TRAF5: variants seen among roughly 807,000 people sequenced by gnomAD.
TRAF5 encodes the protein TNF receptor associated factor 5.
Under a neutral mutation model 64.5 loss-of-function variants are expected in TRAF5, and 48 were observed. That is an observed-to-expected ratio of 0.74 (90% CI 0.59 to 0.95). The LOEUF is 0.95. TRAF5 is among the 40% of genes least tolerant of loss of function. The pLI, the probability that TRAF5 is intolerant of heterozygous loss-of-function variation, is 0.00. For synonymous variants in TRAF5, 206 were observed against 240.5 expected (o/e 0.86, Z 1.33); for missense variants, 545 against 662.8 (o/e 0.82, Z 1.95).
At chr1:211,364,412 C>T (rs1290267396) in intron 7 of TRAF5, among the ~76,000 whole-genome samples, 4 of 152,160 alleles carry the variant, frequency 2.6e-5, no homozygotes, top group Admixed American at 6.5e-5. Context: ...AGAGGCCAGG[C>T]GCTGTGGCTC....
In TRAF5 at chr1:211,360,010, A is replaced by G. The variant is rs2230779; in HGVS notation, c.477A>G (p.Ala159=). Residue 159 remains alanine, a synonymous_variant, in exon 5 of 11, where the codon GCA becomes GCG. Transcript: ENST00000261464. ...AAGACCTGAAAGAGCATTTGAGTGC[A>G]TCCTGTCAGTTTCGAAAGGAAAAAT... ...LRKDLKEHLS[A]SCQFRKEKCL... is the part of the protein sequence containing the mutation. 84,835 of 1,614,100 alleles carry G rather than the reference A, an allele frequency of 0.053. 2,423 individuals carry two copies. The highest frequency in any genetic ancestry group is 0.082 in the Middle Eastern group (500 of 6,062).
chr1:211,353,598 ATCCCC>A, intron 2 of TRAF5, 141 bp downstream of exon 2: 2 of 787,910 alleles, frequency 2.5e-6, no homozygotes, highest in Non-Finnish European at 4.0e-6. Flanking sequence ...ACTCTCCCAG[ATCCCC>A]TCTGTGAGGG....
At chr1:211,333,035 G>T (rs1277336351) in intron 1 of TRAF5, among the ~76,000 whole-genome samples, 5 of 152,144 alleles carry the variant, frequency 3.3e-5, no homozygotes, top group Admixed American at 6.5e-5. Flanking sequence ...TGACTAAGTG[G>T]TTCACTTTCA....
rs6664639 is a variant in TRAF5, at chr1:211,369,448, T to C, written c.790-4T>C. On this transcript the variant is annotated splice_region_variant and splice_polypyrimidine_tract_variant and intron_variant, in intron 8 of 10. Transcript: ENST00000261464. ...TTTATTTTTCCTCACGTTCCTGTTATTAGATTTCTGACTTACACAAGAGCC... is the reference window on the plus strand; with the variant it reads ...TTTATTTTTCCTCACGTTCCTGTTACTAGATTTCTGACTTACACAAGAGCC... 5.9e-3 allele frequency: 9,216 copies of C among 1,574,984 alleles called. 419 individuals carry two copies. The African/African-American group carries it at 0.1, about 18-fold the overall frequency.
At chr1:211,347,700 A>T (rs935181341) in intron 1 of TRAF5, among the ~76,000 whole-genome samples, 1 of 152,214 alleles carries the variant, frequency 6.6e-6, no homozygotes, top group Non-Finnish European at 1.5e-5. Context: ...GTCTGCCAGG[A>T]CAAAGCTGAC....
intron 1 of TRAF5, among the ~76,000 whole-genome samples, 164 bp from the exon 2 acceptor site, chr1:211,353,075 C>T (rs1235380829): frequency 6.6e-6 from 1 of 152,152 alleles, no homozygotes; most frequent in Admixed American, 6.5e-5. Context: ...TTTGCCGGAG[C>T]CCCCTAGTGG....
rs1703568228 is a variant in TRAF5, at chr1:211,372,421, G to T, written c.1393G>T (p.Val465Phe). 2 of 1,614,170 alleles carry T rather than the reference G, an allele frequency of 1.2e-6. No homozygotes were observed. The highest frequency in any genetic ancestry group is 1.7e-6 in the Non-Finnish European group (2 of 1,180,024). ...RGSHLSLYFV[V>F]MRGEFDSLLQ... ...GTCACACCTGTCCCTATACTTTGTGGTCATGCGAGGAGAGTTTGACTCACT... is the reference window on the plus strand; with the variant it reads ...GTCACACCTGTCCCTATACTTTGTGTTCATGCGAGGAGAGTTTGACTCACT... Residue 465 changes from valine (V) to phenylalanine (F), a missense_variant, in exon 11 of 11, where the codon GTC becomes TTC. Coordinates refer to ENST00000261464, the MANE Select transcript of TRAF5 (RefSeq NM_001033910.3).
rs538096528 is a variant in TRAF5, at chr1:211,374,821, C to A, written c.*2119C>A. 4 of 152,222 alleles carry A rather than the reference C, an allele frequency of 2.6e-5. No homozygotes were observed. The South Asian group carries it at 8.3e-4, about 32-fold the overall frequency. The allele number at this position is 152,222 out of a possible 1,614,324, so 9.4% of individuals were successfully genotyped here. ...TTTTGTGTTTTATCCAACTTTTGTG[C>A]ATATATATAAAGTATGTCATGGCAT... On this transcript the variant is annotated 3_prime_UTR_variant, in exon 11 of 11. Coordinates refer to ENST00000261464, the MANE Select transcript of TRAF5 (RefSeq NM_001033910.3).
At chr1:211,352,511 G>A (rs892922474) in intron 1 of TRAF5, among the ~76,000 whole-genome samples, 2 of 147,184 alleles carry the variant, frequency 1.4e-5, no homozygotes, top group African/African-American at 5.1e-5. Flanking sequence ...TGCCTGTAGT[G>A]CCTGTAGTCC....
intron 5 of TRAF5, 79 bp from the exon 6 acceptor site, chr1:211,360,623 T>TC (rs1703144390): frequency 1.9e-5 from 22 of 1,151,364 alleles, no homozygotes; most frequent in Non-Finnish European, 2.5e-5. Context: ...TGACATATAA[T>TC]CCCCAAAGAG....
intron 1 of TRAF5, among the ~76,000 whole-genome samples, chr1:211,334,215 G>A (rs1470524664): frequency 1.3e-5 from 2 of 152,238 alleles, no homozygotes; most frequent in African/African-American, 2.4e-5. Context: ...CTCCAGCAGT[G>A]CATTGTGACA....
chr1:211,338,219 C>T (rs980954721), intron 1 of TRAF5, among the ~76,000 whole-genome samples: 3 of 152,168 alleles, frequency 2.0e-5, no homozygotes, highest in Non-Finnish European at 4.4e-5. Context: ...GTGTATTAAT[C>T]AGGGAAGGCT....
intron 1 of TRAF5, chr1:211,346,393 T>C: frequency 1.0e-6 from 1 of 985,388 alleles, no homozygotes; most frequent in Non-Finnish European, 1.2e-6. Flanking sequence ...GAGTGGGCTG[T>C]GGGGTGTCCT....
At chr1:211,328,907 C>T (rs957637201) in intron 1 of TRAF5, among the ~76,000 whole-genome samples, 44 of 152,284 alleles carry the variant, frequency 2.9e-4, no homozygotes, top group Admixed American at 2.7e-3. Context: ...AGCACTGAGG[C>T]GGTAAATAGC....
At chr1:211,349,476 C>A (rs1159089141) in intron 1 of TRAF5, among the ~76,000 whole-genome samples, 1 of 152,138 alleles carries the variant, frequency 6.6e-6, no homozygotes, top group Non-Finnish European at 1.5e-5. Flanking sequence ...TAGCTAGTTC[C>A]TTTGAGCCCA....
rs1572084223 is a variant in TRAF5, at chr1:211,360,749, C to T, written c.591C>T (p.Asn197=). The T allele has an allele frequency of 6.2e-7, 1 of 1,613,934 alleles. No individual in the cohort carries two copies. Among genetic ancestry groups the T allele is most frequent in the South Asian group, 1.1e-5 (1 of 91,080 alleles). The change falls in exon 6 of 11, where the codon AAC becomes AAT. Residue 197 remains asparagine (N), a synonymous_variant. Coordinates refer to ENST00000261464, the MANE Select transcript of TRAF5 (RefSeq NM_001033910.3). ...CTGAATACCCAGTATTTTGTCCCAA[C>T]AATTGTGCGAAGATTATTCTAAAAA... ...LCPEYPVFCP[N]NCAKIILKTE... is the part of the protein sequence containing the mutation.
intron 1 of TRAF5, among the ~76,000 whole-genome samples, chr1:211,339,577 T>C (rs1702390767): frequency 6.6e-6 from 1 of 152,208 alleles, no homozygotes; most frequent in Non-Finnish European, 1.5e-5. Flanking sequence ...TACCTACTTC[T>C]CTTGGACCTC....
At chr1:211,358,301 C>A (rs1189886608) in intron 4 of TRAF5, 1 of 152,020 alleles carries the variant, frequency 6.6e-6, no homozygotes, top group Non-Finnish European at 1.5e-5. Flanking sequence ...TGTGGCAAAA[C>A]CCTGTCTTTA....
At position 211,360,719 on chromosome 1, in the gene TRAF5, G is replaced by A; in HGVS notation, c.561G>A (p.Leu187=). The change falls in exon 6 of 11, where the codon TTG becomes TTA. Residue 187 remains leucine, a synonymous_variant. Transcript: ENST00000261464. Reference sequence around the variant, plus strand: ...TATTTCAGAATCATGAGGAAAACTTGTGTCCTGAATACCCAGTATTTTGTC... The same window carrying A: ...TATTTCAGAATCATGAGGAAAACTTATGTCCTGAATACCCAGTATTTTGTC... ...VINLQNHEEN[L]CPEYPVFCPN... 6.2e-7 allele frequency: 1 copy of A among 1,613,904 alleles called. No homozygotes were observed. The highest frequency in any genetic ancestry group is 8.5e-7 in the Non-Finnish European group (1 of 1,179,876).
Sources: gnomAD v4.1 joint callset for allele counts (sites outside exome capture counted in the v4.1 genomes callset) on GRCh38, gnomAD v4.1.1 for gene constraint, MANE v1.5 for transcripts, NCBI Gene and HGNC (gene_info 2026-07-23, HGNC 2026-07-21) for gene names.